Variants in MARK3 observed in about 807,000 individuals in gnomAD.
MARK3 encodes MAP/microtubule affinity-regulating kinase 3.
In MARK3, 46 loss-of-function variants were observed where a neutral mutation model predicts 90.1. That is an observed-to-expected ratio of 0.51 (90% CI 0.40 to 0.65). The LOEUF (loss-of-function observed/expected upper bound fraction) is 0.65, where lower values mean the gene tolerates loss of function less well. Ranked by LOEUF, MARK3 falls within the 30% of genes least tolerant of loss-of-function variation. The pLI is 0.00. For missense variants in MARK3, 818 were observed against 947.2 expected, an observed-to-expected ratio of 0.86 and a Z score of 1.79; for synonymous variants, 321 against 332.6, an observed-to-expected ratio of 0.97 and a Z score of 0.38.
chr14:103,452,596 C>T (rs906353876), intron 5 of MARK3, among the ~76,000 whole-genome samples: 7 of 150,116 alleles, frequency 4.7e-5, no homozygotes, highest in East Asian at 3.9e-4. Context: ...CTCAGCCTCC[C>T]GAGTAGCTGG....
intron 15 of MARK3, 115 bp downstream of exon 15, chr14:103,492,149 A>G: frequency 1.6e-6 from 2 of 1,220,140 alleles, no homozygotes; most frequent in Non-Finnish European, 1.1e-6. Flanking sequence ...CCTTCAGCTC[A>G]TGGTTTTCTG....
In MARK3 at chr14:103,386,062, T is replaced by G; in HGVS notation, c.33T>G (p.Asn11Lys). 6.2e-7 allele frequency: 1 copy of G among 1,614,208 alleles called. No homozygotes were observed. Among genetic ancestry groups the G allele is most frequent in the South Asian group, 1.1e-5 (1 of 91,082 alleles). Residue 11 changes from asparagine to lysine, a missense_variant, in exon 1 of 18, where the codon AAT becomes AAG. Transcript: ENST00000429436. ...CTAGGACCCCATTGCCAACGGTGAA[T>G]GAACGAGACACTGAAAACGTAAGTA... MSTRTPLPTV[N>K]ERDTENHTSH...
intron 12 of MARK3, among the ~76,000 whole-genome samples, chr14:103,474,033 A>G (rs971288990): frequency 8.5e-6 from 1 of 117,168 alleles, no homozygotes; most frequent in Non-Finnish European, 1.9e-5. Context: ...CGTCTCTACT[A>G]AAAAAAAAAA....
Position 103,385,497 on chromosome 14 carries a change from A to G in MARK3, c.-533A>G, listed in dbSNP as rs2140395939. The stretch of plus-strand genomic sequence containing the variant: ...CGGAGGCTGAGGCAGCAAGCTCGCT[A>G]GAGAGGGAGAAGCAGTCGGGCGCAG... On this transcript the variant is annotated 5_prime_UTR_variant, in exon 1 of 18. Transcript: ENST00000429436. The G allele has an allele frequency of 6.5e-6, 1 of 154,546 alleles. No individual in the cohort carries two copies. Among genetic ancestry groups the G allele is most frequent in the Admixed American group, 6.5e-5 (1 of 15,300 alleles). The allele number at this position is 154,546 out of a possible 1,614,324, so 9.6% of individuals were successfully genotyped here. A position where few individuals can be genotyped will look rare whatever the true frequency, so the allele number is the denominator to read the frequency against.
chr14:103,412,375 T>C (rs1334952250), intron 2 of MARK3: 3 of 627,484 alleles, frequency 4.8e-6, no homozygotes, highest in East Asian at 5.7e-5. Context: ...AAGGGAACTT[T>C]ACTGCCTTTG....
intron 3 of MARK3, among the ~76,000 whole-genome samples, chr14:103,446,725 T>A (rs370241945): frequency 1.1e-4 from 12 of 107,396 alleles, no homozygotes; most frequent in African/African-American, 3.0e-4. Context: ...TTTTTTTTTT[T>A]TTTTTTTTTT....
intron 1 of MARK3, among the ~76,000 whole-genome samples, chr14:103,404,545 G>A (rs761189495): frequency 5.9e-5 from 9 of 152,196 alleles, no homozygotes; most frequent in Admixed American, 1.3e-4. Flanking sequence ...TACAACAAGG[G>A]TCGTCTATTA....
chr14:103,445,491 C>T (rs1595712683), intron 3 of MARK3, among the ~76,000 whole-genome samples: 1 of 152,208 alleles, frequency 6.6e-6, no homozygotes, highest in East Asian at 1.9e-4. Flanking sequence ...TATCCTGCCA[C>T]TACCTCTCTT....
intron 12 of MARK3, among the ~76,000 whole-genome samples, chr14:103,473,926 G>A (rs540779185): frequency 1.7e-4 from 26 of 151,898 alleles, no homozygotes; most frequent in Admixed American, 1.6e-3. Flanking sequence ...GCTGGGCGCA[G>A]TAGCTCATGC....
chr14:103,484,788 G>A (rs2093893343), intron 14 of MARK3, among the ~76,000 whole-genome samples: 1 of 151,682 alleles, frequency 6.6e-6, no homozygotes, highest in South Asian at 2.1e-4. Context: ...GGGCGTGGTG[G>A]CATGCGCCTG....
chr14:103,475,170 C>G lies in MARK3; in HGVS notation c.1442C>G (p.Ala481Gly), dbSNP rs183634888. 79 of 1,613,892 alleles carry G rather than the reference C, an allele frequency of 4.9e-5. No homozygotes were observed. The African/African-American group carries it at 8.9e-4, about 18-fold the overall frequency. ...GGGAATGCAAGTAATCCTAATAAGG[C>G]GGATATTCCTGAACGCAAGAAAAGC... ...MLGNASNPNK[A>G]DIPERKKSST... The change falls in exon 13 of 18, where the codon GCG (alanine) becomes GGG (glycine). Residue 481 changes from alanine (A) to glycine (G), a missense_variant. Physicochemically the swap from Ala to Gly is moderately conservative, Grantham distance 60. This residue lies in a region of MARK3 where 560 missense variants were observed against 613.5 expected (regional missense o/e 0.91). Transcript: ENST00000429436.
rs574608199 is a variant in MARK3, at chr14:103,452,718, G to A, written c.412+735G>A. ...GATCTCCTGACCTCGTGATCCGCCCGCCTCGGCCTCCCAAAGTGCTGGGAT... is the reference window on the plus strand; with the variant it reads ...GATCTCCTGACCTCGTGATCCGCCCACCTCGGCCTCCCAAAGTGCTGGGAT... On this transcript the variant is annotated intron_variant, in intron 5 of 17. Transcript: ENST00000429436. Among the ~76,000 whole-genome samples the A allele has an allele frequency of 1.9e-3, 284 of 151,994 alleles. No homozygotes were observed. In the Middle Eastern group the frequency reaches 0.021, roughly 11 times the overall value.
rs2093495393 is a variant in MARK3 at position 103,466,020 on chromosome 14, A to G, written c.826A>G (p.Met276Val). The change falls in exon 9 of 18, where the codon ATG (methionine) becomes GTG (valine). Residue 276 changes from methionine (M) to valine (V), a missense_variant. Physicochemically the swap from Met to Val is conservative, Grantham distance 21 (BLOSUM62 1). Coordinates refer to ENST00000429436, the MANE Select transcript of MARK3 (RefSeq NM_001128918.3). ...LRGKYRIPFY[M>V]STDCENLLKR... Reference sequence around the variant, plus strand: ...AGGGAAATACAGAATTCCCTTCTACATGTCTACAGACTGTGAAAACCTTCT... The same window carrying G: ...AGGGAAATACAGAATTCCCTTCTACGTGTCTACAGACTGTGAAAACCTTCT... 1 of 1,613,920 alleles carries G rather than the reference A, an allele frequency of 6.2e-7. No homozygotes were observed. The highest frequency in any genetic ancestry group is 8.5e-7 in the Non-Finnish European group (1 of 1,179,870).
chr14:103,479,060 A>T (rs1405805060), intron 13 of MARK3, among the ~76,000 whole-genome samples: 3 of 152,080 alleles, frequency 2.0e-5, no homozygotes, highest in Admixed American at 2.0e-4. Context: ...TCACTCTGTC[A>T]CCTAGGCTAA....
chr14:103,471,756 G>A (rs1279693062), intron 12 of MARK3, among the ~76,000 whole-genome samples: 1 of 87,016 alleles, frequency 1.1e-5, no homozygotes, highest in Non-Finnish European at 2.3e-5. Context: ...GTGATCATCT[G>A]ATTTTCAAGG....
chr14:103,501,044 G>A (rs1377894536), intron 17 of MARK3, among the ~76,000 whole-genome samples: 5 of 152,146 alleles, frequency 3.3e-5, no homozygotes, highest in Admixed American at 1.3e-4. Context: ...TTTTATGCCA[G>A]TCACCAGCAG....
intron 8 of MARK3, 75 bp from the exon 9 acceptor site, chr14:103,465,897 G>C (rs978721789): frequency 1.3e-6 from 2 of 1,565,250 alleles, no homozygotes; most frequent in East Asian, 2.2e-5. Context: ...GGTTTCAGGG[G>C]GTTTTTTGTT....
rs2093548731 is a variant in MARK3 at position 103,468,027 on chromosome 14, T to C, written c.1111-6T>C. 1 of 1,611,226 alleles carries C rather than the reference T, an allele frequency of 6.2e-7. No homozygotes were observed. The highest frequency in any genetic ancestry group is 2.2e-5 in the East Asian group (1 of 44,846). On this transcript the variant is annotated splice_polypyrimidine_tract_variant and splice_region_variant and intron_variant, in intron 11 of 17. Transcript: ENST00000429436. ...GGTTTGCTCTGTTTTTCTCATTTTC[T>C]CTTAGCTGGATGCTAGTGATTCCAG...
At chr14:103,439,847 C>T (rs569155432) in intron 3 of MARK3, among the ~76,000 whole-genome samples, 16 of 152,222 alleles carry the variant, frequency 1.1e-4, no homozygotes, top group African/African-American at 2.9e-4. Context: ...AGTACAGTGG[C>T]GTGATCTCAG....
Sources: gnomAD v4.1 joint callset for allele counts (sites outside exome capture counted in the v4.1 genomes callset) on GRCh38, gnomAD v4.1.1 for gene constraint, gnomAD v4.1.1 regional missense constraint, MANE v1.5 for transcripts, NCBI Gene and HGNC (gene_info 2026-07-23, HGNC 2026-07-21) for gene names.